Variants in AFF3 observed in about 807,000 individuals in gnomAD.
AFF3 encodes ALF transcription elongation factor 3.
In AFF3, 32 loss-of-function variants were observed where a neutral mutation model predicts 129.7. The observed-to-expected ratio is 0.25, with a 90% CI of 0.19 to 0.33. AFF3 has a LOEUF of 0.33. Among genes scored for constraint, AFF3 ranks in the 10% least tolerant of loss-of-function variants. The pLI is 1.00. For synonymous variants in AFF3, 644 were observed against 635.4 expected (o/e 1.01, Z -0.20); for missense variants, 1,373 against 1,592.0 (o/e 0.86, Z 2.34).
At chr2:99,995,326 A>G (rs1398337007) in intron 7 of AFF3, among the ~76,000 whole-genome samples, 1 of 152,198 alleles carries the variant, frequency 6.6e-6, no homozygotes, top group Non-Finnish European at 1.5e-5. Context: ...TTAAATAACT[A>G]AAGCCTCATC....
rs1457519549 is a variant in AFF3 at position 99,728,394 on chromosome 2, T to G, written c.1040-1266A>C. Among the ~76,000 whole-genome samples the G allele has an allele frequency of 2.6e-5, 4 of 152,220 alleles. No homozygotes were observed. In the East Asian group the frequency reaches 7.7e-4, roughly 29 times the overall value. On this transcript the variant is annotated intron_variant, in intron 10 of 24. Coordinates refer to ENST00000672756, the MANE Select transcript of AFF3 (RefSeq NM_001386135.1). ...AGATCTCTAGAATCCCTTGGTCTAC[T>G]GCTCACGTCCTTGGGCCCACACATT...
Position 99,782,863 on chromosome 2 carries a change from T to C in AFF3, c.922-30562A>G, listed in dbSNP as rs563227013. On this transcript the variant is annotated intron_variant, in intron 8 of 24. Transcript: ENST00000672756. ...AGCAAAAAAGACACAAATTCTTATT[T>C]TGGCACATGAGTGTGTAGAGGATCT... Among the ~76,000 whole-genome samples the C allele has an allele frequency of 5.9e-5, 9 of 152,334 alleles. No individual in the cohort carries two copies. In the East Asian group the frequency reaches 1.5e-3, roughly 26 times the overall value.
At chr2:99,761,936 C>A (rs1682634270) in intron 8 of AFF3, among the ~76,000 whole-genome samples, 1 of 152,092 alleles carries the variant, frequency 6.6e-6, no homozygotes, top group Non-Finnish European at 1.5e-5. Context: ...CACTGTCTTC[C>A]CCAAGCCTGA....
At chr2:99,806,215 T>C (rs555435342) in intron 8 of AFF3, among the ~76,000 whole-genome samples, 1 of 152,208 alleles carries the variant, frequency 6.6e-6, no homozygotes, top group Non-Finnish European at 1.5e-5. Context: ...GCACTAATCA[T>C]CTTGTGAATT....
intron 14 of AFF3, 48 bp downstream of exon 14, chr2:99,601,387 T>C: frequency 1.3e-6 from 2 of 1,511,360 alleles, no homozygotes; most frequent in Non-Finnish European, 1.8e-6. Context: ...GCTATCCTCA[T>C]AGAGACAGAA....
intron 11 of AFF3, among the ~76,000 whole-genome samples, chr2:99,680,698 T>C (rs1674440645): frequency 6.6e-6 from 1 of 152,230 alleles, no homozygotes. Flanking sequence ...ATTGAATCTG[T>C]AAGGGTCATA....
intron 12 of AFF3, among the ~76,000 whole-genome samples, chr2:99,654,099 C>T (rs1685534186): frequency 6.6e-6 from 1 of 152,126 alleles, no homozygotes; most frequent in African/African-American, 2.4e-5. Context: ...AGGCTGGTCT[C>T]GAATTCCTGA....
intron 7 of AFF3, among the ~76,000 whole-genome samples, chr2:99,887,576 C>T (rs549375019): frequency 7.1e-4 from 108 of 152,296 alleles, no homozygotes; most frequent in Non-Finnish European, 1.3e-3. Context: ...AATATCTGCG[C>T]TGTTTACCAG....
At chr2:99,708,508 A>C (rs867284583) in intron 11 of AFF3, among the ~76,000 whole-genome samples, 1 of 152,226 alleles carries the variant, frequency 6.6e-6, no homozygotes, top group Admixed American at 6.5e-5. Context: ...ACCTTGGCGC[A>C]GTAACAGAAC....
intron 4 of AFF3, among the ~76,000 whole-genome samples, chr2:100,021,386 A>C (rs1033070484): frequency 6.6e-6 from 1 of 152,178 alleles, no homozygotes; most frequent in African/African-American, 2.4e-5. Flanking sequence ...ACAGTATAAG[A>C]TACATTAAAA....
At chr2:99,757,443 CATAATA>C (rs762383900) in intron 8 of AFF3, among the ~76,000 whole-genome samples, 9 of 152,226 alleles carry the variant, frequency 5.9e-5, no homozygotes, top group African/African-American at 9.6e-5. Flanking sequence ...CTCCCTCTCT[CATAATA>C]ATAACAATAA....
chr2:99,828,524 C>T (rs142985799), intron 8 of AFF3, among the ~76,000 whole-genome samples: 4 of 152,264 alleles, frequency 2.6e-5, no homozygotes, highest in East Asian at 1.9e-4. Flanking sequence ...GCAGCAAGCA[C>T]GAACGTGTAG....
intron 7 of AFF3, among the ~76,000 whole-genome samples, chr2:99,959,903 C>T (rs551965346): frequency 6.6e-6 from 1 of 152,072 alleles, no homozygotes; most frequent in East Asian, 1.9e-4. Flanking sequence ...CAACCAATCA[C>T]ATCTGCACCC....
At chr2:100,105,609 G>A in intron 2 of AFF3, 26 bp from the exon 3 acceptor site, 10 of 1,336,402 alleles carry the variant, frequency 7.5e-6, no homozygotes, top group Non-Finnish European at 9.9e-6. Context: ...GAGTATCATC[G>A]TGGCTCCTAA....
At chr2:100,036,615 T>C (rs1684931361) in intron 4 of AFF3, among the ~76,000 whole-genome samples, 1 of 151,948 alleles carries the variant, frequency 6.6e-6, no homozygotes, top group African/African-American at 2.4e-5. Flanking sequence ...GATCATGCAA[T>C]CATATACACA....
chr2:100,120,137 T>A (rs1036074632), intron 2 of AFF3, among the ~76,000 whole-genome samples: 1 of 152,222 alleles, frequency 6.6e-6, no homozygotes, highest in African/African-American at 2.4e-5. Flanking sequence ...AGAAGTAGCT[T>A]CTTAGAGAGG....
At chr2:99,586,060 T>C (rs1481769198) in intron 16 of AFF3, among the ~76,000 whole-genome samples, 1 of 152,222 alleles carries the variant, frequency 6.6e-6, no homozygotes. Context: ...CATATTGCAG[T>C]TGTGCATACA....
At chr2:99,710,440 A>G (rs1677790841) in intron 11 of AFF3, among the ~76,000 whole-genome samples, 1 of 152,138 alleles carries the variant, frequency 6.6e-6, no homozygotes, top group Non-Finnish European at 1.5e-5. Flanking sequence ...TATTTTTAGT[A>G]GAGATGGGGT....
intron 4 of AFF3, among the ~76,000 whole-genome samples, chr2:100,081,699 A>G (rs188493450): frequency 6.6e-4 from 101 of 152,306 alleles, no homozygotes; most frequent in Admixed American, 1.2e-3. Context: ...ACACAGAATC[A>G]TTGGGGGAAA....
Sources: allele counts gnomAD v4.1 joint callset (sites outside exome capture counted in the v4.1 genomes callset), GRCh38; gene constraint gnomAD v4.1.1; transcripts MANE v1.5; gene names NCBI Gene and HGNC (gene_info 2026-07-23, HGNC 2026-07-21).